OSBPL8: variants seen among roughly 807,000 people sequenced by gnomAD.
The protein encoded by OSBPL8 is oxysterol-binding protein-related protein 8.
OSBPL8 carries 59 observed loss-of-function variants against 125.5 expected under a neutral mutation model. The ratio of observed to expected loss-of-function variants is 0.47; its 90% CI spans 0.38 to 0.58. OSBPL8 has a LOEUF of 0.58. Ranked by LOEUF, OSBPL8 falls within the 20% of genes least tolerant of loss-of-function variation. The probability of loss-of-function intolerance (pLI) is 0.00; values close to 1 mark genes in which losing one functional copy is unlikely to be tolerated. For synonymous variants in OSBPL8, 330 were observed against 338.9 expected (o/e 0.97, Z 0.29); for missense variants, 758 against 1,047.8 (o/e 0.72, Z 3.82).
At chr12:76,498,414 C>T (rs1444294381) in intron 1 of OSBPL8, among the ~76,000 whole-genome samples, 2 of 152,208 alleles carry the variant, frequency 1.3e-5, no homozygotes, top group Non-Finnish European at 2.9e-5. Flanking sequence ...AGCTGAGTAG[C>T]AGCCATCCAC....
At chr12:76,540,327 T>C (rs970407424) in intron 1 of OSBPL8, among the ~76,000 whole-genome samples, 16 of 152,152 alleles carry the variant, frequency 1.1e-4, no homozygotes, top group Admixed American at 7.2e-4. Flanking sequence ...CCAAGGTCTC[T>C]TGAGTCTAAG....
At position 76,468,062 on chromosome 12, in the gene OSBPL8, T is replaced by C. The variant is rs150483530; in HGVS notation, c.43-8167A>G. On this transcript the variant is annotated intron_variant, in intron 2 of 23. Coordinates refer to ENST00000261183, the MANE Select transcript of OSBPL8 (RefSeq NM_020841.5). ...GGCTTAATAATAGTTTACCTGAGTATTGTATATAAATTTGTTTTGAAAATC... is the reference window on the plus strand; with the variant it reads ...GGCTTAATAATAGTTTACCTGAGTACTGTATATAAATTTGTTTTGAAAATC... Among the ~76,000 whole-genome samples the C allele has an allele frequency of 2.9e-3, 445 of 152,328 alleles. 2 individuals are homozygous for C. The highest frequency in any genetic ancestry group is 0.01 in the African/African-American group (426 of 41,568).
intron 4 of OSBPL8, among the ~76,000 whole-genome samples, chr12:76,449,849 T>A (rs1056421422): frequency 3.3e-5 from 5 of 152,026 alleles, no homozygotes; most frequent in Non-Finnish European, 1.5e-5. Context: ...TTTAACAGAG[T>A]ATGAAAAGTG....
intron 1 of OSBPL8, among the ~76,000 whole-genome samples, chr12:76,491,393 C>A (rs1225910956): frequency 1.3e-5 from 2 of 152,094 alleles, no homozygotes; most frequent in South Asian, 2.1e-4. Context: ...GACTTCTAAT[C>A]ATTTTCTTGG....
At chr12:76,381,838 GA>G (rs1259808126) in intron 15 of OSBPL8, among the ~76,000 whole-genome samples, 1 of 151,644 alleles carries the variant, frequency 6.6e-6, no homozygotes, top group African/African-American at 2.4e-5. Flanking sequence ...GGGTTCAAGT[GA>G]TTCTCCTGCC....
At chr12:76,432,816 T>G (rs537222125) in intron 4 of OSBPL8, among the ~76,000 whole-genome samples, 1 of 151,830 alleles carries the variant, frequency 6.6e-6, no homozygotes, top group Non-Finnish European at 1.5e-5. Context: ...TCAGAAAAAA[T>G]AGATATTACA....
chr12:76,505,389 T>C (rs976332938), intron 1 of OSBPL8, among the ~76,000 whole-genome samples: 7 of 152,142 alleles, frequency 4.6e-5, no homozygotes, highest in Admixed American at 2.0e-4. Context: ...TACCAATAAA[T>C]TTATCACCAT....
intron 1 of OSBPL8, among the ~76,000 whole-genome samples, chr12:76,526,286 A>C (rs1040614650): frequency 6.6e-6 from 1 of 152,228 alleles, no homozygotes; most frequent in Non-Finnish European, 1.5e-5. Flanking sequence ...AGTGGGTTCT[A>C]TTTATTGATA....
At chr12:76,390,930 C>CT (rs1430056192) in intron 10 of OSBPL8, among the ~76,000 whole-genome samples, 1 of 152,150 alleles carries the variant, frequency 6.6e-6, no homozygotes, top group East Asian at 1.9e-4. Flanking sequence ...CTTTGCCTCT[C>CT]TACCACTTGG....
intron 21 of OSBPL8, among the ~76,000 whole-genome samples, chr12:76,364,919 T>A (rs898234215): frequency 1.3e-5 from 2 of 152,170 alleles, no homozygotes; most frequent in Admixed American, 1.3e-4. Context: ...CTTGGAATAT[T>A]GACATGGATT....
intron 15 of OSBPL8, among the ~76,000 whole-genome samples, chr12:76,381,809 A>G (rs561900876): frequency 2.0e-5 from 3 of 150,808 alleles, no homozygotes; most frequent in African/African-American, 7.3e-5. Context: ...ATCTCAGCTC[A>G]TTGCAACCTC....
chr12:76,397,422 T>G (rs1210968837), intron 8 of OSBPL8, among the ~76,000 whole-genome samples: 1 of 147,822 alleles, frequency 6.8e-6, no homozygotes, highest in Admixed American at 6.7e-5. Flanking sequence ...CAAAGCCGAG[T>G]TAGTAATTAG....
At chr12:76,416,228 C>CT (rs993067897) in intron 4 of OSBPL8, among the ~76,000 whole-genome samples, 1 of 151,846 alleles carries the variant, frequency 6.6e-6, no homozygotes, top group Non-Finnish European at 1.5e-5. Context: ...TTTTATTGAA[C>CT]TTTTTGTTAT....
intron 19 of OSBPL8, 43 bp downstream of exon 19, chr12:76,371,405 C>A: frequency 1.3e-6 from 2 of 1,508,564 alleles, no homozygotes; most frequent in South Asian, 2.8e-5. Flanking sequence ...TGAAAAACTA[C>A]TCTCTGATCC....
chr12:76,389,889 A>T, intron 11 of OSBPL8, 60 bp from the exon 12 acceptor site: 2 of 1,301,370 alleles, frequency 1.5e-6, no homozygotes, highest in Non-Finnish European at 2.0e-6. Flanking sequence ...ATATGTAAAC[A>T]AGCCAGCTAA....
intron 21 of OSBPL8, chr12:76,366,677 A>G: frequency 2.8e-6 from 1 of 361,022 alleles, no homozygotes; most frequent in East Asian, 7.8e-5. Flanking sequence ...TCACAGATAT[A>G]TATTTTCCTT....
At chr12:76,478,241 C>CAG (rs1213715640) in intron 2 of OSBPL8, among the ~76,000 whole-genome samples, 1 of 151,914 alleles carries the variant, frequency 6.6e-6, no homozygotes, top group African/African-American at 2.4e-5. Flanking sequence ...CGGTAGCCAC[C>CAG]AGAGCAATGA....
intron 1 of OSBPL8, among the ~76,000 whole-genome samples, chr12:76,500,244 A>T (rs1281599876): frequency 1.3e-5 from 2 of 152,192 alleles, no homozygotes; most frequent in African/African-American, 4.8e-5. Context: ...TGTGTCAGCC[A>T]AATTGAGTTA....
At chr12:76,467,036 T>C (rs947732609) in intron 2 of OSBPL8, among the ~76,000 whole-genome samples, 1 of 152,214 alleles carries the variant, frequency 6.6e-6, no homozygotes, top group African/African-American at 2.4e-5. Context: ...TGTGGAGTCC[T>C]CTCTGGCATT....
Sources: gnomAD v4.1 joint callset for allele counts (sites outside exome capture counted in the v4.1 genomes callset) on GRCh38, gnomAD v4.1.1 for gene constraint, MANE v1.5 for transcripts, NCBI Gene and HGNC (gene_info 2026-07-23, HGNC 2026-07-21) for gene names.